KYAT1: variants seen among roughly 807,000 people sequenced by gnomAD.
KYAT1 encodes kynurenine aminotransferase 1, also known as kynurenine--oxoglutarate transaminase 1.
A neutral mutation model predicts 52.4 loss-of-function variants in KYAT1; 47 were observed. The ratio of observed to expected loss-of-function variants is 0.90; its 90% confidence interval spans 0.71 to 1.14. The LOEUF (loss-of-function observed/expected upper bound fraction) is 1.14, where lower values mean the gene tolerates loss of function less well. Among genes scored for constraint, KYAT1 ranks in the 50% most tolerant of loss-of-function variants. The probability of loss-of-function intolerance (pLI) is 0.00; values close to 1 mark genes in which losing one functional copy is unlikely to be tolerated. For missense variants in KYAT1, 480 were observed against 557.9 expected, an observed-to-expected ratio of 0.86 and a Z score of 1.41; for synonymous variants, 212 against 209.6, an observed-to-expected ratio of 1.01 and a Z score of -0.10.
rs1169961946 is a variant in KYAT1, at chr9:128,836,832, C to A, written c.658G>T (p.Val220Phe). 1 of 1,613,894 alleles carries A rather than the reference C, an allele frequency of 6.2e-7. No individual in the cohort carries two copies. The highest frequency in any genetic ancestry group is 8.5e-7 in the Non-Finnish European group (1 of 1,180,000). ...CTGATGTGCTGGTGCCCGTCGTAGACCATCCACTGGTAGACTTCATCAGTG... is the reference window on the plus strand; with the variant it reads ...CTGATGTGCTGGTGCCCGTCGTAGAACATCCACTGGTAGACTTCATCAGTG... Reference protein sequence around the residue: ...CITDEVYQWMVYDGHQHISIA... With the variant: ...CITDEVYQWMFYDGHQHISIA... Residue 220 changes from valine to phenylalanine, a missense_variant, in exon 7 of 13, where the codon GTC (valine) becomes TTC (phenylalanine). Physicochemically the swap from Val to Phe is conservative, Grantham distance 50. Transcript: ENST00000302586.
At chr9:128,870,138 C>G (rs1837029726) in intron 1 of KYAT1, among the ~76,000 whole-genome samples, 1 of 151,968 alleles carries the variant, frequency 6.6e-6, no homozygotes, top group African/African-American at 2.4e-5. Context: ...GGTATATACC[C>G]AAAAGAACTG....
chr9:128,837,630 T>C, intron 6 of KYAT1, 55 bp downstream of exon 6: 1 of 1,606,794 alleles, frequency 6.2e-7, no homozygotes, highest in Non-Finnish European at 8.5e-7. Flanking sequence ...TCAGTAACAG[T>C]GCAGGAGACA....
intron 1 of KYAT1, among the ~76,000 whole-genome samples, chr9:128,859,680 G>A (rs1269612805): frequency 2.0e-5 from 3 of 148,964 alleles, no homozygotes; most frequent in Admixed American, 6.7e-5. Flanking sequence ...ACAGAATCTC[G>A]CTCTGTTGCC....
At chr9:128,856,358 T>A (rs988586755) in intron 1 of KYAT1, among the ~76,000 whole-genome samples, 1 of 152,176 alleles carries the variant, frequency 6.6e-6, no homozygotes, top group Non-Finnish European at 1.5e-5. Context: ...CTGTTGCTGG[T>A]CTACAGGTGT....
intron 1 of KYAT1, among the ~76,000 whole-genome samples, chr9:128,854,056 T>C (rs1175018544): frequency 1.3e-5 from 2 of 152,164 alleles, no homozygotes; most frequent in Admixed American, 1.3e-4. Context: ...CCATAAAAAA[T>C]TAAAACAGAT....
intron 1 of KYAT1, among the ~76,000 whole-genome samples, chr9:128,865,359 A>ATTTTTTTTTTTTTTTTTTTT (rs776787253): frequency 3.7e-5 from 1 of 27,308 alleles, no homozygotes; most frequent in Non-Finnish European, 5.3e-5. Flanking sequence ...ATATATATAT[A>ATTTTTTTTTTTTTTTTTTTT]TTTTTTTTTT....
intron 1 of KYAT1, among the ~76,000 whole-genome samples, chr9:128,869,308 C>G (rs1163443508): frequency 6.6e-6 from 1 of 151,678 alleles, no homozygotes; most frequent in Non-Finnish European, 1.5e-5. Context: ...ACTACAGGCG[C>G]GAGCCACCAC....
chr9:128,841,386 C>T (rs1832130474), intron 3 of KYAT1, among the ~76,000 whole-genome samples: 1 of 152,034 alleles, frequency 6.6e-6, no homozygotes, highest in African/African-American at 2.4e-5. Flanking sequence ...GCCTGTAATC[C>T]CAACTACTCA....
In KYAT1 at chr9:128,841,501, C is replaced by T. The variant is rs542174411; in HGVS notation, c.201+1153G>A. Among the ~76,000 whole-genome samples, 6 of 151,294 alleles carry T rather than the reference C, an allele frequency of 4.0e-5. No homozygotes were observed. In the South Asian group the frequency reaches 1.0e-3, roughly 26 times the overall value. On this transcript the variant is annotated intron_variant, in intron 3 of 12. Coordinates refer to ENST00000302586, the MANE Select transcript of KYAT1 (RefSeq NM_004059.5). ...GTGCCGCTGCACTCCAGACTCCAGCCGGGGCGACAGTGCGAGACTGTCTTA... is the reference window on the plus strand; with the variant it reads ...GTGCCGCTGCACTCCAGACTCCAGCTGGGGCGACAGTGCGAGACTGTCTTA...
chr9:128,847,496 G>A lies in KYAT1; in HGVS notation c.-6-2085C>T, dbSNP rs1012751305. On this transcript the variant is annotated intron_variant, in intron 1 of 12. Coordinates refer to ENST00000302586, the MANE Select transcript of KYAT1 (RefSeq NM_004059.5). ...TCCTTCCCTGAAGGGGCCCCACCAG[G>A]TGCACAGAGATGGCTGCTGCAGTCC... 4 of 1,535,898 alleles carry A rather than the reference G, an allele frequency of 2.6e-6. No homozygotes were observed. In the African/African-American group the frequency reaches 5.5e-5, roughly 21 times the overall value.
chr9:128,864,485 T>G (rs968438518), intron 1 of KYAT1, among the ~76,000 whole-genome samples: 1 of 152,130 alleles, frequency 6.6e-6, no homozygotes, highest in Admixed American at 6.6e-5. Context: ...TTTCATCTTG[T>G]AAAACTGACA....
chr9:128,863,547 GTGTC>G (rs1290408793), intron 1 of KYAT1, among the ~76,000 whole-genome samples: 1 of 149,380 alleles, frequency 6.7e-6, no homozygotes, highest in Admixed American at 6.7e-5. Flanking sequence ...CTCTGTGTCT[GTGTC>G]TGTGAGCTTA....
At chr9:128,842,606 C>G (rs775440188) in intron 3 of KYAT1, 48 bp downstream of exon 3, 1 of 1,590,330 alleles carries the variant, frequency 6.3e-7, no homozygotes, top group Non-Finnish European at 8.6e-7. Flanking sequence ...CCAGAAAGCC[C>G]TGTCCCCTTC....
intron 1 of KYAT1, among the ~76,000 whole-genome samples, chr9:128,867,399 G>C (rs1836551333): frequency 6.6e-6 from 1 of 152,044 alleles, no homozygotes; most frequent in African/African-American, 2.4e-5. Context: ...GGCTGGTCTT[G>C]TACTGCTGGG....
chr9:128,857,714 C>T (rs748222785), intron 1 of KYAT1, among the ~76,000 whole-genome samples: 7 of 152,152 alleles, frequency 4.6e-5, no homozygotes, highest in Admixed American at 3.3e-4. Context: ...TGGGCACCTG[C>T]AGTCCCAGCT....
At chr9:128,866,214 C>T (rs1284362234) in intron 1 of KYAT1, among the ~76,000 whole-genome samples, 1 of 152,118 alleles carries the variant, frequency 6.6e-6, no homozygotes, top group Non-Finnish European at 1.5e-5. Context: ...ATAATATGAG[C>T]CTTAATATGC....
chr9:128,865,465 C>T (rs1439905949), intron 1 of KYAT1, among the ~76,000 whole-genome samples: 3 of 145,350 alleles, frequency 2.1e-5, no homozygotes, highest in Non-Finnish European at 4.5e-5. Flanking sequence ...CGGGTTCAAG[C>T]GATTCTCGTG....
intron 1 of KYAT1, among the ~76,000 whole-genome samples, chr9:128,870,770 C>G (rs1837110644): frequency 6.6e-6 from 1 of 151,966 alleles, no homozygotes; most frequent in African/African-American, 2.4e-5. Context: ...AACCAGAGGA[C>G]AGGGAGGAGG....
intron 1 of KYAT1, among the ~76,000 whole-genome samples, chr9:128,861,299 T>C (rs1835434589): frequency 6.6e-6 from 1 of 152,172 alleles, no homozygotes; most frequent in Admixed American, 6.5e-5. Flanking sequence ...GTTACCCCCA[T>C]GCTGCTGTGC....
Sources: gnomAD v4.1 joint callset for allele counts (sites outside exome capture counted in the v4.1 genomes callset) on GRCh38, gnomAD v4.1.1 for gene constraint, MANE v1.5 for transcripts, NCBI Gene and HGNC (gene_info 2026-07-23, HGNC 2026-07-21) for gene names.